Variants in SEMA4D observed in about 807,000 individuals in gnomAD.
The protein encoded by SEMA4D is semaphorin 4D.
SEMA4D carries 22 observed loss-of-function variants against 74.8 expected under a neutral mutation model. The observed-to-expected ratio is 0.29, with a 90% confidence interval of 0.21 to 0.42. SEMA4D has a LOEUF of 0.42. SEMA4D is among the 10% of genes least tolerant of loss of function. The pLI is 1.00. For missense variants in SEMA4D, 937 were observed against 1,118.4 expected, an observed-to-expected ratio of 0.84 and a Z score of 2.31; for synonymous variants, 445 against 463.7, an observed-to-expected ratio of 0.96 and a Z score of 0.52.
At chr9:89,456,140 G>A (rs1855878073) in intron 1 of SEMA4D, among the ~76,000 whole-genome samples, 187 bp from the exon 2 acceptor site, 1 of 152,224 alleles carries the variant, frequency 6.6e-6, no homozygotes, top group Non-Finnish European at 1.5e-5. Flanking sequence ...GACCAGAGGA[G>A]GCATCACAGC....
At chr9:89,363,689 T>C (rs1029124552) in intron 17 of SEMA4D, 7 of 1,595,944 alleles carry the variant, frequency 4.4e-6, no homozygotes, top group Middle Eastern at 3.3e-4. Context: ...CCATTGTAAA[T>C]AGTGAAAAAT....
intron 2 of SEMA4D, chr9:89,417,928 C>G (rs897390504): frequency 9.9e-6 from 2 of 202,052 alleles, no homozygotes; most frequent in Non-Finnish European, 1.8e-5. Flanking sequence ...AAGTCTGAAG[C>G]TTTGCCCCAC....
chr9:89,429,351 C>T (rs1848764108), intron 2 of SEMA4D, among the ~76,000 whole-genome samples: 1 of 152,170 alleles, frequency 6.6e-6, no homozygotes, highest in South Asian at 2.1e-4. Flanking sequence ...TTCTTGGGGC[C>T]AGGAGAGGGG....
intron 1 of SEMA4D, among the ~76,000 whole-genome samples, chr9:89,478,012 C>T (rs1013969394): frequency 4.6e-5 from 7 of 152,230 alleles, no homozygotes; most frequent in African/African-American, 1.7e-4. Flanking sequence ...ATTTCTACAG[C>T]TTCCCACAAA....
At position 89,381,372 on chromosome 9, in the gene SEMA4D, T is replaced by C; in HGVS notation, c.1447-26A>G. 6.9e-7 allele frequency: 1 copy of C among 1,451,342 alleles called. No individual in the cohort carries two copies. Among genetic ancestry groups the C allele is most frequent in the Non-Finnish European group, 9.1e-7 (1 of 1,098,014 alleles). The allele number at this position is 1,451,342 out of a possible 1,614,324, so 89.9% of individuals were successfully genotyped here. On this transcript the variant is annotated intron_variant, in intron 13 of 15. Coordinates refer to ENST00000422704, the MANE Select transcript of SEMA4D (RefSeq NM_001371194.2). This position sits in a 1 kb window ranked among gnomAD's most constrained non-coding sequence, Gnocchi z 4.6. ...CTGCGTGTATGAGACAGAGAAGAAC[T>C]AGCATCAGGCAAGCAGGCATCCAGG...
chr9:89,402,399 T>C (rs11265914), intron 4 of SEMA4D, among the ~76,000 whole-genome samples: 28,491 of 152,102 alleles, frequency 0.19, 3,749 homozygotes, highest in African/African-American at 0.36. Flanking sequence ...TAAACAAGCA[T>C]CATCCACAAG....
chr9:89,392,527 A>C lies in SEMA4D; in HGVS notation c.518T>G (p.Leu173Arg). ...SYTSVMVDGELYSGTSYNFLG... is the reference protein window; with the variant it reads ...SYTSVMVDGERYSGTSYNFLG... ...AAAATTATACGACGTCCCCGAATAA[A>C]GTTCTCCATCTGCAGGGGCCCAGAA... Residue 173 changes from leucine to arginine, a missense_variant, in exon 8 of 16, where the codon CTT becomes CGT. Transcript: ENST00000422704. The C allele has an allele frequency of 6.2e-7, 1 of 1,612,792 alleles. No homozygotes were observed. The highest frequency in any genetic ancestry group is 8.5e-7 in the Non-Finnish European group (1 of 1,178,792).
chr9:89,457,639 G>A (rs574875735), intron 1 of SEMA4D, among the ~76,000 whole-genome samples: 2 of 152,150 alleles, frequency 1.3e-5, no homozygotes, highest in Non-Finnish European at 2.9e-5. Flanking sequence ...AGCTGAGGTG[G>A]GAGGATTGCT....
At chr9:89,456,718 C>G (rs1272863528) in intron 1 of SEMA4D, among the ~76,000 whole-genome samples, 3 of 152,186 alleles carry the variant, frequency 2.0e-5, no homozygotes, top group Non-Finnish European at 4.4e-5. Context: ...TCCTGAGTAG[C>G]TGAGCTTAAA....
chr9:89,400,963 G>A (rs985628476), intron 4 of SEMA4D, among the ~76,000 whole-genome samples: 10 of 152,300 alleles, frequency 6.6e-5, no homozygotes, highest in African/African-American at 1.9e-4. Context: ...GGCGCTCAGA[G>A]GAAGAGAATT....
intron 5 of SEMA4D, among the ~76,000 whole-genome samples, 189 bp downstream of exon 5, chr9:89,399,087 A>G (rs1841633109): frequency 6.6e-6 from 1 of 152,232 alleles, no homozygotes; most frequent in African/African-American, 2.4e-5. Flanking sequence ...TGCTTTGAGA[A>G]ACCCAATCCT....
intron 3 of SEMA4D, 137 bp downstream of exon 3, chr9:89,405,214 T>A: frequency 3.3e-6 from 2 of 603,706 alleles, no homozygotes; most frequent in East Asian, 3.4e-5. Flanking sequence ...GTGGAGTCCC[T>A]GTCCCGTTCC....
At chr9:89,462,514 G>A (rs1857489406) in intron 1 of SEMA4D, among the ~76,000 whole-genome samples, 1 of 152,196 alleles carries the variant, frequency 6.6e-6, no homozygotes, top group South Asian at 2.1e-4. Context: ...AAGGAGAGCT[G>A]TGTTTTCTGT....
intron 1 of SEMA4D, among the ~76,000 whole-genome samples, chr9:89,489,384 AT>A (rs1365648232): frequency 1.3e-5 from 2 of 152,248 alleles, no homozygotes; most frequent in African/African-American, 4.8e-5. Context: ...AAAATTTACC[AT>A]TTTAAAGCGT....
At chr9:89,371,351 GT>G (rs1264300399) in intron 16 of SEMA4D, among the ~76,000 whole-genome samples, 5 of 132,386 alleles carry the variant, frequency 3.8e-5, no homozygotes, top group African/African-American at 5.8e-5. Flanking sequence ...TGTGGTGTGT[GT>G]TGGGGTGTGT....
intron 2 of SEMA4D, among the ~76,000 whole-genome samples, chr9:89,421,188 G>C (rs1366930299): frequency 6.6e-6 from 1 of 152,228 alleles, no homozygotes; most frequent in Non-Finnish European, 1.5e-5. Context: ...TGGACGGGGA[G>C]AGGGCCGTGA....
intron 2 of SEMA4D, among the ~76,000 whole-genome samples, chr9:89,444,876 G>A (rs192607028): frequency 1.2e-4 from 19 of 152,168 alleles, no homozygotes; most frequent in Admixed American, 5.2e-4. Flanking sequence ...CGTTTTCCAA[G>A]CAGAAGAAAG....
chr9:89,430,747 C>T (rs1303457500), intron 2 of SEMA4D, among the ~76,000 whole-genome samples: 2 of 152,218 alleles, frequency 1.3e-5, no homozygotes, highest in Non-Finnish European at 2.9e-5. Flanking sequence ...GAGGCCAAGG[C>T]GGGCAGATCA....
chr9:89,471,616 G>GCTAGGGTGCATGCTGA (rs1860284331), intron 1 of SEMA4D, among the ~76,000 whole-genome samples: 2 of 148,924 alleles, frequency 1.3e-5, no homozygotes, highest in Non-Finnish European at 3.0e-5. Flanking sequence ...GTGCACGCCA[G>GCTAGGGTGCATGCTGA]CTCAGGTGCA....
Sources: allele counts gnomAD v4.1 joint callset (sites outside exome capture counted in the v4.1 genomes callset), GRCh38; gene constraint gnomAD v4.1.1; non-coding constraint Gnocchi (gnomAD v3.1); transcripts MANE v1.5; gene names NCBI Gene and HGNC (gene_info 2026-07-23, HGNC 2026-07-21).